PARVB: variants seen among roughly 807,000 people sequenced by gnomAD.
The protein encoded by PARVB is beta-parvin.
In PARVB, 46 loss-of-function variants were observed where a neutral mutation model predicts 47.0. The ratio of observed to expected loss-of-function variants is 0.98; its 90% CI spans 0.77 to 1.25. The LOEUF is 1.25. PARVB is among the 50% of genes most tolerant of loss of function. PARVB has a pLI of 0.00. For synonymous variants in PARVB, 196 were observed against 196.3 expected, an observed-to-expected ratio of 1.00 and a Z score of 0.01; for missense variants, 473 against 471.6, an observed-to-expected ratio of 1.00 and a Z score of -0.03.
At chr22:44,128,241 T>C (rs1240748274) in intron 4 of PARVB, among the ~76,000 whole-genome samples, 1 of 152,188 alleles carries the variant, frequency 6.6e-6, no homozygotes, top group Non-Finnish European at 1.5e-5. Flanking sequence ...AGCTCCTGGC[T>C]GTCGTCCTGC....
upstream of PARVB, among the ~76,000 whole-genome samples, chr22:44,024,000 A>T (rs1485296283): frequency 6.6e-6 from 1 of 152,140 alleles, no homozygotes; most frequent in Admixed American, 6.5e-5. Context: ...CTGAGGCTGC[A>T]CCCACGTGGC....
chr22:44,033,903 C>G (rs1192927441), intron 1 of PARVB, among the ~76,000 whole-genome samples: 1 of 152,052 alleles, frequency 6.6e-6, no homozygotes, highest in Non-Finnish European at 1.5e-5. Flanking sequence ...TTGTTGTTTT[C>G]TGCTTCTCAA....
chr22:44,023,513 AAAAT>A (rs2074939593), upstream of PARVB, among the ~76,000 whole-genome samples: 6 of 98,878 alleles, frequency 6.1e-5, no homozygotes, highest in South Asian at 2.1e-3. Context: ...TACGTCTAAA[AAAAT>A]AAAATAAAAT....
rs572633383 is a variant in PARVB at position 44,018,857 on chromosome 22, C to G, written c.211+19184C>G. On this transcript the variant is annotated intron_variant, in intron 2 of 13. Coordinates refer to the PARVB transcript ENST00000406477. The stretch of plus-strand genomic sequence containing the variant: ...GTTATGGTTGACTCGTGCGCTGCCC[C>G]CATCTTGGTCCATTTGCATTGCTAT... 9.8e-5 allele frequency among the ~76,000 whole-genome samples: 15 copies of G among 152,294 alleles called. No individual in the cohort carries two copies. In the East Asian group the frequency reaches 2.9e-3, roughly 29 times the overall value.
chr22:44,057,310 G>T (rs1214379292), intron 1 of PARVB, among the ~76,000 whole-genome samples: 1 of 152,132 alleles, frequency 6.6e-6, no homozygotes, highest in African/African-American at 2.4e-5. Context: ...AATTTTATGA[G>T]CCAGTCGAGT....
chr22:44,159,192 C>CGAA (rs1477616069), intron 11 of PARVB, among the ~76,000 whole-genome samples: 1 of 152,192 alleles, frequency 6.6e-6, no homozygotes, highest in African/African-American at 2.4e-5. Context: ...GACCATCCAG[C>CGAA]GAAGAAGCGC....
intron 6 of PARVB, among the ~76,000 whole-genome samples, chr22:44,134,945 T>C (rs1416872346): frequency 6.6e-6 from 1 of 152,248 alleles, no homozygotes; most frequent in East Asian, 1.9e-4. Context: ...GCATGTTTGA[T>C]CCTTGACTAG....
rs1483501173 is a variant in PARVB at position 44,007,266 on chromosome 22, T to C, written c.211+7593T>C. On this transcript the variant is annotated intron_variant, in intron 2 of 13. Coordinates refer to the PARVB transcript ENST00000406477. The stretch of plus-strand genomic sequence containing the variant: ...GGGAGGGGGTGCCCAGCTCCGCCTA[T>C]GGGAGGAAGGTGGGCTGGGGGGAGT... Among the ~76,000 whole-genome samples, 3 of 120,336 alleles carry C rather than the reference T, an allele frequency of 2.5e-5. No homozygotes were observed. In the East Asian group the frequency reaches 6.8e-4, roughly 27 times the overall value. 78.9% of individuals were successfully genotyped at this position (120,336 alleles called of 152,430 possible).
At chr22:44,003,339 A>G (rs1215367582) in intron 2 of PARVB, among the ~76,000 whole-genome samples, 1 of 152,214 alleles carries the variant, frequency 6.6e-6, no homozygotes, top group African/African-American at 2.4e-5. Flanking sequence ...GGGCAGAGCT[A>G]CTGCTGGAAA....
At chr22:44,117,388 G>T (rs996141463) in intron 3 of PARVB, among the ~76,000 whole-genome samples, 1 of 152,008 alleles carries the variant, frequency 6.6e-6, no homozygotes. Context: ...TGGGCCATGG[G>T]GGGTGGGGGA....
chr22:44,056,450 ACCT>A (rs1479394964), intron 1 of PARVB, among the ~76,000 whole-genome samples: 1 of 151,480 alleles, frequency 6.6e-6, no homozygotes, highest in Non-Finnish European at 1.5e-5. Context: ...AAATTACTCT[ACCT>A]CTCTGTGCCA....
chr22:44,066,780 T>TCTCCTCCTCCTCCTCCTC (rs199990350), intron 1 of PARVB, among the ~76,000 whole-genome samples: 12 of 48,102 alleles, frequency 2.5e-4, no homozygotes, highest in Middle Eastern at 0.012. Flanking sequence ...CTTAATTATT[T>TCTCCTCCTCCTCCTCCTC]CTCCTCCTCC....
chr22:44,070,395 T>C (rs1569090507), intron 1 of PARVB, among the ~76,000 whole-genome samples: 1 of 152,212 alleles, frequency 6.6e-6, no homozygotes, highest in Non-Finnish European at 1.5e-5. Flanking sequence ...TCCTGGTAAA[T>C]GCTCCTTCCC....
At chr22:44,020,479 C>T (rs2146868496), upstream of PARVB, among the ~76,000 whole-genome samples, 1 of 152,290 alleles carries the variant, frequency 6.6e-6, no homozygotes, top group East Asian at 1.9e-4. Context: ...CAGCCACCTG[C>T]CACCACTTCT....
intron 3 of PARVB, chr22:44,105,321 C>T (rs2052543597): frequency 6.6e-6 from 1 of 152,252 alleles, no homozygotes; most frequent in South Asian, 2.1e-4. Flanking sequence ...AGGAGATCAC[C>T]TCCCAGGGGC....
intron 1 of PARVB, chr22:44,031,497 C>T (rs912993419): frequency 7.9e-5 from 12 of 151,502 alleles, no homozygotes; most frequent in African/African-American, 2.9e-4. Flanking sequence ...AACTCTGCTT[C>T]TGTAGAAAAG....
chr22:44,030,918 G>A (rs1214393664), intron 1 of PARVB, among the ~76,000 whole-genome samples: 3 of 152,210 alleles, frequency 2.0e-5, no homozygotes, highest in South Asian at 2.1e-4. Context: ...CCTAGCCAAC[G>A]AAAAGGGGGA....
chr22:44,134,066 G>A (rs1158872610), intron 6 of PARVB, among the ~76,000 whole-genome samples: 4 of 152,120 alleles, frequency 2.6e-5, no homozygotes, highest in Admixed American at 6.5e-5. Flanking sequence ...CGAGACATCC[G>A]GCTCCACTTT....
chr22:44,131,647 G>A lies in PARVB; in HGVS notation c.517+20G>A. On this transcript the variant is annotated intron_variant, in intron 5 of 12. Coordinates refer to ENST00000338758, the MANE Select transcript of PARVB (RefSeq NM_013327.5). ...TGGACTGTGAGTTCCACGCCACAGG[G>A]GGAGGGACTGTCTGGAGGGAGCCCG... The A allele has an allele frequency of 6.3e-7, 1 of 1,596,886 alleles. No homozygotes were observed. Among genetic ancestry groups the A allele is most frequent in the Non-Finnish European group, 8.5e-7 (1 of 1,172,130 alleles).
Sources: allele counts gnomAD v4.1 joint callset (sites outside exome capture counted in the v4.1 genomes callset), GRCh38; gene constraint gnomAD v4.1.1; transcripts MANE v1.5; gene names NCBI Gene and HGNC (gene_info 2026-07-23, HGNC 2026-07-21).